FAM178B: variants seen among roughly 807,000 people sequenced by gnomAD.
FAM178B encodes the protein protein FAM178B.
In FAM178B, 82 loss-of-function variants were observed where a neutral mutation model predicts 91.7. That is an observed-to-expected ratio of 0.89 (90% CI 0.75 to 1.07). The LOEUF (loss-of-function observed/expected upper bound fraction) is 1.07, where lower values mean the gene tolerates loss of function less well. Ranked by LOEUF, FAM178B falls within the 50% of genes least tolerant of loss-of-function variation. FAM178B has a pLI of 0.00. For missense variants in FAM178B, 769 were observed against 846.7 expected (o/e 0.91, Z 1.14); for synonymous variants, 368 against 359.4 (o/e 1.02, Z -0.27).
At chr2:96,949,075 T>C (rs2081880554) in intron 7 of FAM178B, among the ~76,000 whole-genome samples, 1 of 152,108 alleles carries the variant, frequency 6.6e-6, no homozygotes, top group Non-Finnish European at 1.5e-5. Flanking sequence ...AGAACATACA[T>C]TCATTGAGGG....
At chr2:96,929,424 GTTTTTGCC>G in intron 8 of FAM178B, 104 bp from the exon 9 acceptor site, 1 of 794,342 alleles carries the variant, frequency 1.3e-6, no homozygotes, top group Non-Finnish European at 2.1e-6. Flanking sequence ...AAGATAACCA[GTTTTTGCC>G]TTCTCTGACA....
chr2:96,960,076 T>G (rs2082058322), intron 6 of FAM178B, among the ~76,000 whole-genome samples: 1 of 152,242 alleles, frequency 6.6e-6, no homozygotes, highest in Non-Finnish European at 1.5e-5. Context: ...TCTGCTATAA[T>G]GTGGGAATTT....
At chr2:96,876,521 C>T (rs1206006680) in intron 16 of FAM178B, among the ~76,000 whole-genome samples, 2 of 152,210 alleles carry the variant, frequency 1.3e-5, no homozygotes, top group African/African-American at 4.8e-5. Flanking sequence ...GCCCCTCTAC[C>T]AGGCCCTGAA....
chr2:96,986,309 C>A lies in FAM178B; in HGVS notation c.5G>T (p.Trp2Leu). 1 of 1,534,146 alleles carries A rather than the reference C, an allele frequency of 6.5e-7. No individual in the cohort carries two copies. Among genetic ancestry groups the A allele is most frequent in the Non-Finnish European group, 8.7e-7 (1 of 1,146,740 alleles). M[W>L]PRLPGAGLAP... Reference sequence around the variant, plus strand: ...GAGGCCCGCACCTGGAAGCCTTGGCCACATAGGGCGGGAAGGGCAGGGCTC... The same window carrying A: ...GAGGCCCGCACCTGGAAGCCTTGGCAACATAGGGCGGGAAGGGCAGGGCTC... Residue 2 changes from tryptophan to leucine, a missense_variant, in exon 1 of 17, where the codon TGG becomes TTG. Trp to Leu is a moderately conservative substitution (Grantham distance 61, BLOSUM62 -2). Coordinates refer to ENST00000490605, the MANE Select transcript of FAM178B (RefSeq NM_001122646.3).
At chr2:96,939,034 C>G (rs1208462211) in intron 8 of FAM178B, 2 of 152,156 alleles carry the variant, frequency 1.3e-5, no homozygotes, top group African/African-American at 2.4e-5. Flanking sequence ...GAAACCCTGT[C>G]TCTACTAAAA....
intron 14 of FAM178B, among the ~76,000 whole-genome samples, chr2:96,888,963 G>A (rs2080597296): frequency 6.6e-6 from 1 of 152,174 alleles, no homozygotes; most frequent in South Asian, 2.1e-4. Context: ...CAGGCCTCAG[G>A]AGCATGAGCT....
At chr2:96,967,425 T>C in intron 5 of FAM178B, 95 bp downstream of exon 5, 1 of 689,320 alleles carries the variant, frequency 1.5e-6, no homozygotes, top group Non-Finnish European at 2.5e-6. Flanking sequence ...CACAAATCAC[T>C]GTACCATGTT....
chr2:96,983,979 A>AT (rs571010609), intron 1 of FAM178B, among the ~76,000 whole-genome samples: 45 of 151,548 alleles, frequency 3.0e-4, no homozygotes, highest in Admixed American at 1.5e-3. Context: ...TCTGCTATGA[A>AT]TTTTTTTTTC....
chr2:96,896,068 T>G (rs2080817335), intron 13 of FAM178B, among the ~76,000 whole-genome samples: 1 of 152,166 alleles, frequency 6.6e-6, no homozygotes, highest in African/African-American at 2.4e-5. Context: ...GTCAAGATAG[T>G]TTCCAGAACA....
chr2:96,945,414 G>A (rs1266988538), intron 8 of FAM178B, among the ~76,000 whole-genome samples: 2 of 152,058 alleles, frequency 1.3e-5, no homozygotes, highest in Non-Finnish European at 2.9e-5. Flanking sequence ...AAAGGCAAGT[G>A]CGTAAGAATC....
intron 14 of FAM178B, among the ~76,000 whole-genome samples, chr2:96,891,287 G>C (rs2080672378): frequency 6.6e-6 from 1 of 152,188 alleles, no homozygotes; most frequent in South Asian, 2.1e-4. Flanking sequence ...CCACATGCAG[G>C]TAATACTTCT....
chr2:96,986,181 C>A (rs2082421010), intron 1 of FAM178B, 60 bp downstream of exon 1: 6 of 1,531,208 alleles, frequency 3.9e-6, no homozygotes, highest in South Asian at 3.6e-5. Context: ...CCAGGGAAGT[C>A]GAGTGCTCTC....
intron 14 of FAM178B, among the ~76,000 whole-genome samples, chr2:96,892,136 G>T (rs113858701): frequency 0.011 from 1,714 of 152,278 alleles, 13 homozygotes; most frequent in Non-Finnish European, 0.019. Flanking sequence ...GGAGTCATCC[G>T]GCCGGGGTGG....
chr2:96,929,024 G>A (rs978229142), intron 9 of FAM178B, among the ~76,000 whole-genome samples, 182 bp downstream of exon 9: 4 of 152,088 alleles, frequency 2.6e-5, no homozygotes, highest in African/African-American at 9.7e-5. Flanking sequence ...CAGGCGTGGT[G>A]GTGCGTACCT....
chr2:96,972,149 A>T lies in FAM178B; in HGVS notation c.316T>A (p.Phe106Ile). 1 of 1,540,774 alleles carries T rather than the reference A, an allele frequency of 6.5e-7. No individual in the cohort carries two copies. Among genetic ancestry groups the T allele is most frequent in the Non-Finnish European group, 8.8e-7 (1 of 1,142,068 alleles). Residue 106 changes from phenylalanine to isoleucine, a missense_variant, in exon 3 of 17, where the codon TTT becomes ATT. Phe to Ile is a conservative substitution (Grantham distance 21). Transcript: ENST00000490605. ...KPKIQAPGETFPTDWSPPPVE... is the reference protein window; with the variant it reads ...KPKIQAPGETIPTDWSPPPVE... ...GGCGGGGGGCTCCAGTCAGTGGGAAACGTTTCCCCAGGTGCCTGTATCTTG... is the reference window on the plus strand; with the variant it reads ...GGCGGGGGGCTCCAGTCAGTGGGAATCGTTTCCCCAGGTGCCTGTATCTTG...
intron 7 of FAM178B, 150 bp downstream of exon 7, chr2:96,951,228 CA>C: frequency 1.6e-6 from 1 of 628,032 alleles, no homozygotes; most frequent in Admixed American, 2.6e-5. Context: ...GATCGATGCC[CA>C]ATCAGCTCTC....
At position 96,970,756 on chromosome 2, in the gene FAM178B, T is replaced by A; in HGVS notation, c.586A>T (p.Ser196Cys). 1 of 1,551,330 alleles carries A rather than the reference T, an allele frequency of 6.4e-7. No individual in the cohort carries two copies. Among genetic ancestry groups the A allele is most frequent in the Non-Finnish European group, 8.7e-7 (1 of 1,146,822 alleles). ...AAGTAGTCCAGGTTGTTGAAGTAGC[T>A]TCCTGAGCCCCCCCAGGAAAACTGG... is the stretch of plus-strand genomic sequence containing the variant. ...APEFSWGGSG[S>C]YFNNLDYLLQ... Residue 196 changes from serine (S) to cysteine (C), a missense_variant, in exon 4 of 17, where the codon AGC (serine) becomes TGC (cysteine). Coordinates refer to ENST00000490605, the MANE Select transcript of FAM178B (RefSeq NM_001122646.3).
At chr2:96,932,408 T>C (rs1041825100) in intron 8 of FAM178B, among the ~76,000 whole-genome samples, 4 of 152,174 alleles carry the variant, frequency 2.6e-5, no homozygotes, top group African/African-American at 9.7e-5. Context: ...GGCTGGTGAC[T>C]TGAGGACAGG....
intron 8 of FAM178B, among the ~76,000 whole-genome samples, chr2:96,946,522 CTGGGCT>C (rs1215144153): frequency 6.6e-6 from 1 of 152,222 alleles, no homozygotes; most frequent in Non-Finnish European, 1.5e-5. Flanking sequence ...CAATCCCAGG[CTGGGCT>C]CTCAGGTAGT....
Sources: allele counts gnomAD v4.1 joint callset (sites outside exome capture counted in the v4.1 genomes callset), GRCh38; gene constraint gnomAD v4.1.1; transcripts MANE v1.5; gene names NCBI Gene and HGNC (gene_info 2026-07-23, HGNC 2026-07-21).